The following NGLY1 variants were observed in gnomAD, a reference collection of about 807,000 sequenced individuals.
The protein encoded by NGLY1 is peptide-N(4)-(N-acetyl-beta-glucosaminyl)asparagine amidase.
A neutral mutation model predicts 84.6 loss-of-function variants in NGLY1; 68 were observed. That is an observed-to-expected ratio of 0.80 (90% confidence interval 0.66 to 0.98). The LOEUF (loss-of-function observed/expected upper bound fraction) is 0.98, where lower values mean the gene tolerates loss of function less well. Among genes scored for constraint, NGLY1 ranks in the 50% least tolerant of loss-of-function variants. The probability of loss-of-function intolerance (pLI) is 0.00; values close to 1 mark genes in which losing one functional copy is unlikely to be tolerated. For missense variants in NGLY1, 779 were observed against 770.2 expected, an observed-to-expected ratio of 1.01 and a Z score of -0.14; for synonymous variants, 280 against 275.2, an observed-to-expected ratio of 1.02 and a Z score of -0.17.
intron 3 of NGLY1, among the ~76,000 whole-genome samples, chr3:25,758,284 T>C (rs1227146351): frequency 6.6e-6 from 1 of 152,212 alleles, no homozygotes; most frequent in Non-Finnish European, 1.5e-5. Flanking sequence ...ATAGTATTAA[T>C]AAATTTTTTG....
At chr3:25,755,211 G>A (rs1188832326) in intron 3 of NGLY1, 7 of 1,370,662 alleles carry the variant, frequency 5.1e-6, no homozygotes, top group Non-Finnish European at 6.3e-6. Context: ...GATATTGCAA[G>A]GCAGAAAAAT....
chr3:25,784,263 T>C (rs1387816558), upstream of NGLY1: 1 of 152,180 alleles, frequency 6.6e-6, no homozygotes, highest in Non-Finnish European at 1.5e-5. Flanking sequence ...TTTTAAACCA[T>C]AGGTTGCGAC....
chr3:25,748,317 A>G (rs1706549401), intron 4 of NGLY1, among the ~76,000 whole-genome samples: 1 of 152,216 alleles, frequency 6.6e-6, no homozygotes, highest in South Asian at 2.1e-4. Flanking sequence ...ACGAACACCA[A>G]GCAGGATAAA....
Position 25,764,269 on chromosome 3 carries a change from G to T in NGLY1, c.289C>A (p.Gln97Lys). The T allele has an allele frequency of 6.2e-7, 1 of 1,613,978 alleles. No homozygotes were observed. The highest frequency in any genetic ancestry group is 8.5e-7 in the Non-Finnish European group (1 of 1,179,974). ...ATCAGGTCACGAATTTTTTGCAGCT[G>T]CTCCACTGAAGCTTTTTTAGGAAAG... ...LIFPKKASVE[Q>K]LQKIRDLIAI... Residue 97 changes from glutamine (Q) to lysine (K), a missense_variant, in exon 3 of 12, where the codon CAG becomes AAG. By Grantham distance (53) the Gln-to-Lys change is moderately conservative (BLOSUM62 1). Coordinates refer to ENST00000280700, the MANE Select transcript of NGLY1 (RefSeq NM_018297.4).
intron 8 of NGLY1, 74 bp from the exon 9 acceptor site, chr3:25,732,557 C>T (rs1705596753): frequency 3.9e-6 from 4 of 1,025,256 alleles, no homozygotes; most frequent in Non-Finnish European, 5.6e-6. Flanking sequence ...CAAGAATATA[C>T]TTAAAACACT....
intron 4 of NGLY1, among the ~76,000 whole-genome samples, chr3:25,745,026 T>G (rs551884022): frequency 2.6e-5 from 4 of 152,288 alleles, no homozygotes; most frequent in South Asian, 4.1e-4. Context: ...TAATCCTAAT[T>G]GATATACTCA....
rs559304394 is a variant in NGLY1 at position 25,776,213 on chromosome 3, C to G, written c.246+2361G>C. On this transcript the variant is annotated intron_variant, in intron 2 of 11. Coordinates refer to ENST00000280700, the MANE Select transcript of NGLY1 (RefSeq NM_018297.4). ...TGACCAACACTGGTTTGCCTGAGAC[C>G]GAGGGGTTTTCTGGGATGTGGGACT... 1.1e-4 allele frequency among the ~76,000 whole-genome samples: 16 copies of G among 152,198 alleles called. No homozygotes were observed. The South Asian group carries it at 1.5e-3, about 14-fold the overall frequency.
At chr3:25,760,801 G>A (rs867763616) in intron 3 of NGLY1, among the ~76,000 whole-genome samples, 7 of 142,256 alleles carry the variant, frequency 4.9e-5, no homozygotes, top group African/African-American at 5.4e-5. Flanking sequence ...CAGAAGTTGC[G>A]GTGAGCCGAG....
Position 25,737,375 on chromosome 3 carries a change from C to T in NGLY1, c.962G>A (p.Arg321Gln), listed in dbSNP as rs751720023. The T allele has an allele frequency of 8.1e-6, 13 of 1,613,702 alleles. No homozygotes were observed. The Admixed American group carries it at 8.3e-5, about 10-fold the overall frequency. The change falls in exon 6 of 12, where the codon CGA (arginine) becomes CAA (glutamine). Residue 321 changes from arginine (R) to glutamine (Q), a missense_variant. Physicochemically the swap from Arg to Gln is conservative, Grantham distance 43. Transcript: ENST00000280700. ...EWANCFTLCCRAVGFEARYVW... is the reference protein window; with the variant it reads ...EWANCFTLCCQAVGFEARYVW... Reference sequence around the variant, plus strand: ...ATAGCGAGCTTCAAACCCTACAGCTCGGCAGCACAGTGTAAAACAATTGGC... The same window carrying T: ...ATAGCGAGCTTCAAACCCTACAGCTTGGCAGCACAGTGTAAAACAATTGGC...
chr3:25,755,459 A>G (rs1706993175), intron 3 of NGLY1: 1 of 1,466,808 alleles, frequency 6.8e-7, no homozygotes, highest in Non-Finnish European at 9.6e-7. Context: ...GTCAGTGACA[A>G]GCCAAAGATT....
At chr3:25,783,810 G>T (rs1464155160), upstream of NGLY1, among the ~76,000 whole-genome samples, 1 of 152,116 alleles carries the variant, frequency 6.6e-6, no homozygotes, top group African/African-American at 2.4e-5. This position sits in a 1 kb window ranked among gnomAD's most constrained non-coding sequence, Gnocchi z 4.5. Flanking sequence ...CGGGGCCTGG[G>T]CTCCGGGGCT....
intron 2 of NGLY1, among the ~76,000 whole-genome samples, chr3:25,772,975 T>C (rs1366585601): frequency 1.3e-5 from 2 of 152,246 alleles, no homozygotes; most frequent in Non-Finnish European, 2.9e-5. Context: ...TTCTAGCTTG[T>C]AGGGCTTCTA....
At chr3:25,725,074 G>C (rs1457307049) in intron 10 of NGLY1, among the ~76,000 whole-genome samples, 4 of 152,194 alleles carry the variant, frequency 2.6e-5, no homozygotes, top group South Asian at 4.1e-4. Flanking sequence ...AAAATGTCCT[G>C]TTCCATACCC....
In NGLY1 at chr3:25,764,239, T is replaced by G. The variant is rs757774666; in HGVS notation, c.319A>C (p.Ile107Leu). 7 of 1,614,068 alleles carry G rather than the reference T, an allele frequency of 4.3e-6. No individual in the cohort carries two copies. The African/African-American group carries it at 9.3e-5, about 22-fold the overall frequency. Residue 107 changes from isoleucine (I) to leucine (L), a missense_variant, in exon 3 of 12, where the codon ATA (isoleucine) becomes CTA (leucine). Transcript: ENST00000280700. ...QLQKIRDLIA[I>L]ERSSRLDGSN... is the part of the protein sequence containing the mutation. ...CCATCCAGTCTGCTACTTCTCTCTA[T>G]GGCAATCAGGTCACGAATTTTTTGC...
At chr3:25,740,396 T>C (rs1210993435) in intron 4 of NGLY1, among the ~76,000 whole-genome samples, 2 of 152,142 alleles carry the variant, frequency 1.3e-5, no homozygotes, top group African/African-American at 4.8e-5. Flanking sequence ...ACAGATAATA[T>C]ACCCACTTTT....
chr3:25,755,149 C>A, intron 3 of NGLY1: 2 of 1,258,034 alleles, frequency 1.6e-6, no homozygotes, highest in Non-Finnish European at 1.2e-6. Context: ...GACTGGCAAT[C>A]CAGTGTCGTG....
chr3:25,763,963 A>T (rs1460914890), intron 3 of NGLY1, 103 bp downstream of exon 3: 21 of 1,439,054 alleles, frequency 1.5e-5, no homozygotes, highest in Non-Finnish European at 1.9e-5. Flanking sequence ...TAAGAACAAA[A>T]TATGGGGCAT....
intron 5 of NGLY1, 138 bp downstream of exon 5, chr3:25,739,438 TG>T (rs1706011842): frequency 1.3e-6 from 1 of 788,956 alleles, no homozygotes; most frequent in African/African-American, 1.7e-5. Context: ...GGATTTAGCC[TG>T]CCAGCCACGG....
rs1037391370 is a variant in NGLY1, at chr3:25,729,402, G to C, written c.1426-84C>G. The C allele has an allele frequency of 4.8e-6, 4 of 839,448 alleles. No individual in the cohort carries two copies. In the African/African-American group the frequency reaches 7.1e-5, roughly 15 times the overall value. The allele number at this position is 839,448 out of a possible 1,614,324, so 52.0% of individuals were successfully genotyped here. A position where few individuals can be genotyped will look rare whatever the true frequency, so the allele number is the denominator to read the frequency against. ...GAGAAATTACTAAGCAGAGTGGTAA[G>C]AGAATCCTTCAAAATTGAAAAGAAA... On this transcript the variant is annotated intron_variant, in intron 9 of 11. Transcript: ENST00000280700.
Sources: gnomAD v4.1 joint callset for allele counts (sites outside exome capture counted in the v4.1 genomes callset) on GRCh38, gnomAD v4.1.1 for gene constraint, Gnocchi (gnomAD v3.1) non-coding constraint, MANE v1.5 for transcripts, NCBI Gene and HGNC (gene_info 2026-07-23, HGNC 2026-07-21) for gene names.